Variants in SERPINB1 observed in about 807,000 individuals in gnomAD.
SERPINB1 encodes leukocyte elastase inhibitor.
SERPINB1 carries 23 observed loss-of-function variants against 25.9 expected under a neutral mutation model. The ratio of observed to expected loss-of-function variants is 0.89; its 90% CI spans 0.64 to 1.26. The LOEUF (loss-of-function observed/expected upper bound fraction) is 1.26, where lower values mean the gene tolerates loss of function less well. SERPINB1 is among the 50% of genes most tolerant of loss of function. The probability of loss-of-function intolerance (pLI) is 0.00; values close to 1 mark genes in which losing one functional copy is unlikely to be tolerated. For missense variants in SERPINB1, 399 were observed against 463.6 expected (o/e 0.86, Z 1.28); for synonymous variants, 178 against 178.7 (o/e 1.00, Z 0.03).
In SERPINB1 at chr6:2,838,669, C is replaced by T. The variant is rs147138804; in HGVS notation, c.186G>A (p.Thr62=). ...GGAATCTTGAATGAACCTCTTCAAC[C>T]GTGTTGAAATGGAAAGTCTAAAATA... ...AQLSKTFHFN[T]VEEVHSRFQS... Residue 62 remains threonine (T), a synonymous_variant, in exon 3 of 7, where the codon ACG becomes ACA. Coordinates refer to ENST00000380739, the MANE Select transcript of SERPINB1 (RefSeq NM_030666.4). The T allele has an allele frequency of 2.9e-5, 46 of 1,585,548 alleles. No homozygotes were observed. In the East Asian group the frequency reaches 4.6e-4, roughly 16 times the overall value.
chr6:2,838,829 G>T, intron 2 of SERPINB1, 143 bp from the exon 3 acceptor site: 1 of 662,282 alleles, frequency 1.5e-6, no homozygotes, highest in South Asian at 4.3e-5. Context: ...TTATTAATTT[G>T]TCATTGCAGA....
chr6:2,840,375 G>A (rs771828092), intron 2 of SERPINB1, 44 bp downstream of exon 2: 1 of 1,608,092 alleles, frequency 6.2e-7, no homozygotes, highest in South Asian at 1.1e-5. Flanking sequence ...TCCATTCGTA[G>A]GGAGATGGGA....
rs992066723 is a variant in SERPINB1, at chr6:2,837,048, A to G, written c.425-798T>C. ...GCAAAGAAATAAATTGCACCCTAAA[A>G]GCAAGTCAGTCCCCACCTACCACAA... On this transcript the variant is annotated intron_variant, in intron 4 of 6. Transcript: ENST00000380739. The surrounding 1 kb of genome is among the most constrained non-coding windows in gnomAD (Gnocchi z 4.3). Among the ~76,000 whole-genome samples, 3 of 151,896 alleles carry G rather than the reference A, an allele frequency of 2.0e-5. No individual in the cohort carries two copies. The highest frequency in any genetic ancestry group is 7.3e-5 in the African/African-American group (3 of 41,302).
At chr6:2,839,944 T>G (rs1158742196) in intron 2 of SERPINB1, among the ~76,000 whole-genome samples, 1 of 152,208 alleles carries the variant, frequency 6.6e-6, no homozygotes, top group Non-Finnish European at 1.5e-5. Context: ...CTCTTTTCCT[T>G]GCAAAAAAGC....
At chr6:2,835,104 C>T (rs1340078093) in intron 6 of SERPINB1, among the ~76,000 whole-genome samples, 1 of 152,204 alleles carries the variant, frequency 6.6e-6, no homozygotes, top group Admixed American at 6.5e-5. Context: ...AAATGATTAA[C>T]ATTAGACCCC....
At chr6:2,839,034 CAA>C (rs888489665) in intron 2 of SERPINB1, among the ~76,000 whole-genome samples, 1 of 152,002 alleles carries the variant, frequency 6.6e-6, no homozygotes, top group Non-Finnish European at 1.5e-5. Flanking sequence ...TATTCTGTAT[CAA>C]ATATAATTTT....
rs144971610 is a variant in SERPINB1, at chr6:2,836,127, G to A, written c.548C>T (p.Ala183Val). 6.2e-7 allele frequency: 1 copy of A among 1,614,048 alleles called. No homozygotes were observed. Reference protein sequence around the residue: ...DKFMKEATTNAPFRLNKKDRK... With the variant: ...DKFMKEATTNVPFRLNKKDRK... ...CCTCACCTTATTCAATCTGAATGGTGCATTCGTCGTGGCTTCTTTCATGAA... is the reference window on the plus strand; with the variant it reads ...CCTCACCTTATTCAATCTGAATGGTACATTCGTCGTGGCTTCTTTCATGAA... The change falls in exon 5 of 7, where the codon GCA becomes GTA. Residue 183 changes from alanine to valine, a missense_variant. Ala to Val is a moderately conservative substitution (Grantham distance 64, BLOSUM62 0). Coordinates refer to ENST00000380739, the MANE Select transcript of SERPINB1 (RefSeq NM_030666.4).
chr6:2,840,621 G>A (rs751420210), intron 1 of SERPINB1, 27 bp from the exon 2 acceptor site: 2 of 1,576,126 alleles, frequency 1.3e-6, no homozygotes, highest in East Asian at 2.3e-5. Context: ...GGTCCTCATG[G>A]TGCCCACTGC....
At position 2,835,878 on chromosome 6, in the gene SERPINB1, T is replaced by C; in HGVS notation, c.713A>G (p.Asp238Gly). Residue 238 changes from aspartate to glycine, a missense_variant, in exon 6 of 7, where the codon GAC (aspartate) becomes GGC (glycine). Coordinates refer to ENST00000380739, the MANE Select transcript of SERPINB1 (RefSeq NM_030666.4). The stretch of plus-strand genomic sequence containing the variant: ...TACCTTCTTCAGGCCCGTGGACTCG[T>C]CCTCAATGTCATCCGGCAGCAGGAT... ...MVILLPDDIE[D>G]ESTGLKKIEE... 1 of 1,614,026 alleles carries C rather than the reference T, an allele frequency of 6.2e-7. No individual in the cohort carries two copies. Among genetic ancestry groups the C allele is most frequent in the Non-Finnish European group, 8.5e-7 (1 of 1,180,010 alleles).
intron 4 of SERPINB1, 47 bp from the exon 5 acceptor site, chr6:2,836,297 C>G (rs1766493113): frequency 6.5e-7 from 1 of 1,546,288 alleles, no homozygotes; most frequent in Non-Finnish European, 8.7e-7. Flanking sequence ...ATCGGAATTC[C>G]AAATTTGAAC....
chr6:2,835,996 A>G lies in SERPINB1; in HGVS notation c.595T>C (p.Tyr199His). The G allele has an allele frequency of 1.2e-6, 2 of 1,614,166 alleles. No individual in the cohort carries two copies. Among genetic ancestry groups the G allele is most frequent in the Non-Finnish European group, 1.7e-6 (2 of 1,180,022 alleles). ...CCATATGCAAATTTTTTCTTCTGAT[A>G]CATCATTTTCACAGTTTTTCTGTCT... is the stretch of plus-strand genomic sequence containing the variant. ...KKDRKTVKMM[Y>H]QKKKFAYGYI... Residue 199 changes from tyrosine to histidine, a missense_variant, in exon 6 of 7, where the codon TAT becomes CAT. Coordinates refer to ENST00000380739, the MANE Select transcript of SERPINB1 (RefSeq NM_030666.4).
Position 2,838,538 on chromosome 6 carries a change from A to T in SERPINB1, c.306+11T>A, listed in dbSNP as rs758591492. The T allele has an allele frequency of 4.4e-6, 7 of 1,585,332 alleles. No individual in the cohort carries two copies. The East Asian group carries it at 1.6e-4, about 36-fold the overall frequency. The stretch of plus-strand genomic sequence containing the variant: ...AGTGGGGTTTTAGAATGTGAAGGGC[A>T]AAGTACTTACAGGAAGGAAATTGTA... On this transcript the variant is annotated intron_variant, in intron 3 of 6. Transcript: ENST00000380739.
chr6:2,840,052 T>G (rs1301185668), intron 2 of SERPINB1, among the ~76,000 whole-genome samples: 1 of 152,202 alleles, frequency 6.6e-6, no homozygotes, highest in African/African-American at 2.4e-5. Context: ...ATGAGTTGCA[T>G]ATCATCATAT....
At chr6:2,835,263 G>A (rs1422745118) in intron 6 of SERPINB1, among the ~76,000 whole-genome samples, 2 of 152,082 alleles carry the variant, frequency 1.3e-5, no homozygotes, top group African/African-American at 4.8e-5. Context: ...TTTCTGTCTT[G>A]TACCCATTGA....
chr6:2,839,372 C>G, intron 2 of SERPINB1: 1 of 985,148 alleles, frequency 1.0e-6, no homozygotes, highest in African/African-American at 1.7e-5. Flanking sequence ...TATGCTCCAT[C>G]TGCTTTAATG....
At position 2,837,717 on chromosome 6, in the gene SERPINB1, C is replaced by G. The variant is rs572732234; in HGVS notation, c.424+165G>C. Among the ~76,000 whole-genome samples the G allele has an allele frequency of 6.6e-6, 1 of 152,226 alleles. No homozygotes were observed. Among genetic ancestry groups the G allele is most frequent in the African/African-American group, 2.4e-5 (1 of 41,444 alleles). Reference sequence around the variant, plus strand: ...CGAACATGTGAGAGCTGTCCAGCAACGTGCAGTGCAGACTTCACGCACCGG... The same window carrying G: ...CGAACATGTGAGAGCTGTCCAGCAAGGTGCAGTGCAGACTTCACGCACCGG... On this transcript the variant is annotated intron_variant, in intron 4 of 6. Transcript: ENST00000380739. The surrounding 1 kb of genome is among the most constrained non-coding windows in gnomAD (Gnocchi z 4.3).
Position 2,841,294 on chromosome 6 carries a change from T to C in SERPINB1, c.-9+518A>G, listed in dbSNP as rs1207010870. ...TCGATCTCCACTCTCAGAGCCCTGA[T>C]TTCCCCCGAGGACAGGCAAAGAAGA... On this transcript the variant is annotated intron_variant, in intron 1 of 6. Transcript: ENST00000380739. The surrounding 1 kb of genome is among the most constrained non-coding windows in gnomAD (Gnocchi z 4.5). 6.6e-6 allele frequency: 1 copy of C among 152,220 alleles called. No individual in the cohort carries two copies. The highest frequency in any genetic ancestry group is 2.4e-5 in the African/African-American group (1 of 41,414). 9.4% of individuals were successfully genotyped at this position (152,220 alleles called of 1,614,324 possible).
At chr6:2,840,298 C>G in intron 2 of SERPINB1, 121 bp downstream of exon 2, 1 of 1,209,140 alleles carries the variant, frequency 8.3e-7, no homozygotes, top group Non-Finnish European at 1.2e-6. Flanking sequence ...AAAGTCTGAT[C>G]TCATAAAAAT....
chr6:2,834,734 C>T (rs1163087618), intron 6 of SERPINB1, among the ~76,000 whole-genome samples: 2 of 152,212 alleles, frequency 1.3e-5, no homozygotes, highest in African/African-American at 2.4e-5. Flanking sequence ...TATCTAATAA[C>T]TTTAGCTCCT....
Sources: allele counts gnomAD v4.1 joint callset (sites outside exome capture counted in the v4.1 genomes callset), GRCh38; gene constraint gnomAD v4.1.1; non-coding constraint Gnocchi (gnomAD v3.1); transcripts MANE v1.5; gene names NCBI Gene and HGNC (gene_info 2026-07-23, HGNC 2026-07-21).